SLC30A8: variants seen among roughly 807,000 people sequenced by gnomAD.
The protein encoded by SLC30A8 is solute carrier family 30 member 8, also known as proton-coupled zinc antiporter SLC30A8.
SLC30A8 carries 27 observed loss-of-function variants against 36.9 expected under a neutral mutation model. The ratio of observed to expected loss-of-function variants is 0.73; its 90% CI spans 0.54 to 1.01. The LOEUF (loss-of-function observed/expected upper bound fraction) is 1.01. SLC30A8 is among the 50% of genes least tolerant of loss of function. The pLI is 0.00. For missense variants in SLC30A8, 439 were observed against 452.0 expected, an observed-to-expected ratio of 0.97 and a Z score of 0.26; for synonymous variants, 164 against 172.4, an observed-to-expected ratio of 0.95 and a Z score of 0.38.
chr8:116,954,843 T>A lies in SLC30A8; in HGVS notation c.-266+3724T>A, dbSNP rs547557337. Reference sequence around the variant, plus strand: ...ATAGCCAAATAAGAGTAGAGATCAATGATGTAAATAAGAGTAGAAGTCAGT... The same window carrying A: ...ATAGCCAAATAAGAGTAGAGATCAAAGATGTAAATAAGAGTAGAAGTCAGT... On this transcript the variant is annotated intron_variant, in intron 1 of 10. Coordinates refer to the SLC30A8 transcript ENST00000427715. Among the ~76,000 whole-genome samples the A allele has an allele frequency of 8.5e-4, 130 of 152,236 alleles. 2 individuals carry two copies. Among genetic ancestry groups the A allele is most frequent in the African/African-American group, 2.8e-3 (118 of 41,536 alleles).
chr8:116,970,758 A>T (rs1310244924), intron 1 of SLC30A8, among the ~76,000 whole-genome samples: 1 of 152,204 alleles, frequency 6.6e-6, no homozygotes, highest in Non-Finnish European at 1.5e-5. Context: ...AGGCTGACAT[A>T]CATAGCCTCA....
chr8:117,166,551 G>A (rs1452229130), intron 6 of SLC30A8, among the ~76,000 whole-genome samples: 2 of 152,078 alleles, frequency 1.3e-5, no homozygotes, highest in African/African-American at 4.8e-5. Flanking sequence ...ATATCTTATT[G>A]GGGAGTAGGA....
intron 1 of SLC30A8, among the ~76,000 whole-genome samples, chr8:117,015,462 G>T (rs1360199575): frequency 1.3e-5 from 2 of 151,252 alleles, no homozygotes; most frequent in Non-Finnish European, 2.9e-5. Context: ...GTTCATCTTT[G>T]TCTTCTTAAA....
In SLC30A8 at chr8:117,135,347, C is replaced by T. The variant is rs755057304; in HGVS notation, c.20C>T (p.Thr7Met). The T allele has an allele frequency of 2.4e-5, 38 of 1,598,234 alleles. No individual in the cohort carries two copies. Among genetic ancestry groups the T allele is most frequent in the Middle Eastern group, 3.3e-4 (2 of 6,022 alleles). Residue 7 changes from threonine (T) to methionine (M), a missense_variant, in exon 1 of 8, where the codon ACG (threonine) becomes ATG (methionine). Physicochemically the swap from Thr to Met is moderately conservative, Grantham distance 81. Coordinates refer to ENST00000456015, the MANE Select transcript of SLC30A8 (RefSeq NM_173851.3). MEFLERTYLVNDKAAKM... is the reference protein window; with the variant it reads MEFLERMYLVNDKAAKM... ...GCCGTCATGGAGTTTCTTGAAAGAA[C>T]GTATCTTGTGAATGATAAAGCTGCC...
At chr8:117,051,188 A>G (rs560608471) in intron 2 of SLC30A8, among the ~76,000 whole-genome samples, 3 of 152,334 alleles carry the variant, frequency 2.0e-5, no homozygotes, top group Admixed American at 6.5e-5. Context: ...CTTGATTACT[A>G]TAGTTTTATT....
At chr8:117,039,466 C>G (rs1817316816) in intron 2 of SLC30A8, among the ~76,000 whole-genome samples, 1 of 152,172 alleles carries the variant, frequency 6.6e-6, no homozygotes, top group Non-Finnish European at 1.5e-5. Flanking sequence ...GCTTCTTTTT[C>G]TGCTACACAT....
At chr8:117,020,061 C>T (rs766238703) in intron 1 of SLC30A8, among the ~76,000 whole-genome samples, 7 of 152,216 alleles carry the variant, frequency 4.6e-5, no homozygotes, top group African/African-American at 7.2e-5. Context: ...ATTGCCTGTC[C>T]GCCTCAGTGC....
chr8:117,072,319 G>C (rs538430108), intron 2 of SLC30A8, among the ~76,000 whole-genome samples: 1 of 152,250 alleles, frequency 6.6e-6, no homozygotes, highest in African/African-American at 2.4e-5. Flanking sequence ...GTGAATTCAA[G>C]TATATATCCA....
intron 2 of SLC30A8, among the ~76,000 whole-genome samples, chr8:117,095,571 A>G (rs557377759): frequency 6.6e-6 from 1 of 152,326 alleles, no homozygotes; most frequent in African/African-American, 2.4e-5. Flanking sequence ...AACGGAGTTA[A>G]TCACAAAGTG....
intron 1 of SLC30A8, among the ~76,000 whole-genome samples, chr8:117,141,419 A>G (rs1263398625): frequency 1.3e-5 from 2 of 152,176 alleles, no homozygotes; most frequent in Admixed American, 6.5e-5. Flanking sequence ...CAAAGCTCAC[A>G]TGATTATCTC....
At chr8:117,008,734 C>G (rs1361477519) in intron 1 of SLC30A8, among the ~76,000 whole-genome samples, 1 of 152,172 alleles carries the variant, frequency 6.6e-6, no homozygotes, top group East Asian at 1.9e-4. Context: ...CCTCAAGGCC[C>G]CCTTCTGCTT....
In SLC30A8 at chr8:116,954,948, G is replaced by A. The variant is rs144549843; in HGVS notation, c.-266+3829G>A. Among the ~76,000 whole-genome samples the A allele has an allele frequency of 8.5e-5, 13 of 152,240 alleles. No individual in the cohort carries two copies. The East Asian group carries it at 2.1e-3, about 25-fold the overall frequency. ...TAAAGCTTAAGATTGGAAGAGGAAC[G>A]CCACATCCATTGTTATAAGTGGGCA... On this transcript the variant is annotated intron_variant, in intron 1 of 10. Coordinates refer to the SLC30A8 transcript ENST00000427715.
At chr8:117,126,206 TTTTC>T (rs1820898509) in intron 2 of SLC30A8, among the ~76,000 whole-genome samples, 1 of 152,056 alleles carries the variant, frequency 6.6e-6, no homozygotes, top group Non-Finnish European at 1.5e-5. Context: ...TACTTTGTGA[TTTTC>T]TTTTTTATTT....
intron 1 of SLC30A8, among the ~76,000 whole-genome samples, chr8:117,136,937 T>C (rs1321701123): frequency 6.6e-6 from 1 of 152,018 alleles, no homozygotes; most frequent in East Asian, 1.9e-4. Context: ...AAATTAAATC[T>C]GGAAGAGATT....
chr8:117,005,881 C>T (rs940071220), intron 1 of SLC30A8, among the ~76,000 whole-genome samples: 1 of 152,152 alleles, frequency 6.6e-6, no homozygotes, highest in African/African-American at 2.4e-5. Flanking sequence ...AATAGATTTA[C>T]CCTCAAGTGA....
chr8:116,960,974 A>G (rs1363163167), intron 1 of SLC30A8, among the ~76,000 whole-genome samples: 1 of 152,088 alleles, frequency 6.6e-6, no homozygotes, highest in Non-Finnish European at 1.5e-5. Flanking sequence ...AGATCTCTGT[A>G]ATATTATTAG....
chr8:117,014,611 G>C (rs1280983128), intron 1 of SLC30A8, among the ~76,000 whole-genome samples: 1 of 152,186 alleles, frequency 6.6e-6, no homozygotes, highest in African/African-American at 2.4e-5. Context: ...CAAGTACGTA[G>C]TGTTACTGAA....
intron 1 of SLC30A8, among the ~76,000 whole-genome samples, chr8:116,993,176 G>A (rs1815704105): frequency 6.6e-6 from 1 of 151,190 alleles, no homozygotes; most frequent in African/African-American, 2.5e-5. Context: ...TTGCTTGAGA[G>A]CTGAGCAAAG....
chr8:117,167,488 TATATAC>T (rs1224722011), intron 6 of SLC30A8, among the ~76,000 whole-genome samples: 1 of 147,970 alleles, frequency 6.8e-6, no homozygotes, highest in African/African-American at 2.5e-5. Flanking sequence ...TGCATATATA[TATATAC>T]ATACATACAT....
Sources: allele counts gnomAD v4.1 joint callset (sites outside exome capture counted in the v4.1 genomes callset), GRCh38; gene constraint gnomAD v4.1.1; transcripts MANE v1.5; gene names NCBI Gene and HGNC (gene_info 2026-07-23, HGNC 2026-07-21).